Variants in PIGN observed in about 807,000 individuals in gnomAD.
PIGN encodes GPI ethanolamine phosphate transferase 1.
PIGN carries 117 observed loss-of-function variants against 125.4 expected under a neutral mutation model. That is an observed-to-expected ratio of 0.93 (90% CI 0.80 to 1.09). PIGN has a LOEUF of 1.09. Among genes scored for constraint, PIGN ranks in the 50% least tolerant of loss-of-function variants. The probability of loss-of-function intolerance (pLI) is 0.00; values close to 1 mark genes in which losing one functional copy is unlikely to be tolerated. For synonymous variants in PIGN, 392 were observed against 377.8 expected, an observed-to-expected ratio of 1.04 and a Z score of -0.44; for missense variants, 1,075 against 1,094.9, an observed-to-expected ratio of 0.98 and a Z score of 0.26.
At chr18:62,024,900 G>A (rs1265827109) in intron 23 of PIGN, among the ~76,000 whole-genome samples, 1 of 152,184 alleles carries the variant, frequency 6.6e-6, no homozygotes. Context: ...AGTTGGAAAT[G>A]TCACCATGAA....
rs1356223788 is a variant in PIGN at position 62,161,074 on chromosome 18, G to A, written c.221+59C>T. The A allele has an allele frequency of 2.2e-5, 25 of 1,141,320 alleles. No homozygotes were observed. The East Asian group carries it at 5.4e-4, about 25-fold the overall frequency. 70.7% of individuals were successfully genotyped at this position (1,141,320 alleles called of 1,614,324 possible). ...ATGATAAATAGTAAGATATTTTGCA[G>A]TTTACTTAACTCAGAATAACATTTT... On this transcript the variant is annotated intron_variant, in intron 4 of 30. Transcript: ENST00000640252.
At chr18:62,134,845 T>C (rs2035867625) in intron 14 of PIGN, among the ~76,000 whole-genome samples, 1 of 152,246 alleles carries the variant, frequency 6.6e-6, no homozygotes, top group Admixed American at 6.5e-5. Flanking sequence ...TGCTTTCTTG[T>C]AAAGTTTGAA....
Position 62,048,383 on chromosome 18 carries a change from C to T in PIGN, c.2673-2404G>A, listed in dbSNP as rs148681944. On this transcript the variant is annotated intron_variant, in intron 30 of 30. Transcript: ENST00000640252. ...TAAGGTAAACCCAAAGCAATCCACA[C>T]AAAGACACATCAAATTACTAAAAAC... is the stretch of plus-strand genomic sequence containing the variant. Among the ~76,000 whole-genome samples the T allele has an allele frequency of 2.0e-4, 30 of 152,168 alleles. 1 individual carries two copies. Among genetic ancestry groups the T allele is most frequent in the African/African-American group, 5.8e-4 (24 of 41,528 alleles).
intron 30 of PIGN, among the ~76,000 whole-genome samples, chr18:62,057,261 A>C (rs2031798243): frequency 6.6e-6 from 1 of 151,788 alleles, no homozygotes; most frequent in Admixed American, 6.6e-5. Flanking sequence ...TATATGCAAA[A>C]CCCAGATCTT....
intron 14 of PIGN, among the ~76,000 whole-genome samples, chr18:62,129,229 A>G (rs537029973): frequency 5.9e-5 from 9 of 152,266 alleles, no homozygotes; most frequent in African/African-American, 1.9e-4. Flanking sequence ...GAAATTGGCA[A>G]AGGCTATTAA....
In PIGN at chr18:62,044,056, G is replaced by A. The variant is rs1467283971; in HGVS notation, c.*1800C>T. 1 of 152,156 alleles carries A rather than the reference G, an allele frequency of 6.6e-6. No individual in the cohort carries two copies. The highest frequency in any genetic ancestry group is 2.4e-5 in the African/African-American group (1 of 41,424). 9.4% of individuals were successfully genotyped at this position (152,156 alleles called of 1,614,324 possible). ...GAAGGGGCCAGTTACGGTGCAGCAA[G>A]GCGAGCCTGTGGCTGCAGGCACACA... On this transcript the variant is annotated 3_prime_UTR_variant, in exon 31 of 31. Coordinates refer to ENST00000640252, the MANE Select transcript of PIGN (RefSeq NM_176787.5).
intron 23 of PIGN, among the ~76,000 whole-genome samples, chr18:62,092,652 C>T (rs1426881948): frequency 1.3e-5 from 2 of 151,878 alleles, no homozygotes; most frequent in Non-Finnish European, 2.9e-5. Context: ...GTGATTAATT[C>T]TATGTTAAAA....
At chr18:62,157,662 A>C (rs749714077) in intron 5 of PIGN, 25 bp downstream of exon 5, 3 of 1,598,506 alleles carry the variant, frequency 1.9e-6, no homozygotes, top group Admixed American at 1.7e-5. Context: ...TTTTCATTTC[A>C]TAAGATTGTC....
chr18:62,171,302 A>G (rs1233665676), intron 1 of PIGN, among the ~76,000 whole-genome samples: 1 of 152,198 alleles, frequency 6.6e-6, no homozygotes, highest in African/African-American at 2.4e-5. Context: ...TAATTCTTAA[A>G]TCAACATTGA....
intron 30 of PIGN, among the ~76,000 whole-genome samples, chr18:62,047,541 G>A (rs941005527): frequency 2.0e-5 from 3 of 152,170 alleles, no homozygotes; most frequent in African/African-American, 7.2e-5. Flanking sequence ...CAGTCATGAA[G>A]GCAGTAGTGG....
downstream of PIGN, among the ~76,000 whole-genome samples, chr18:62,039,776 CCAT>C (rs2144915458): frequency 1.1e-5 from 1 of 93,892 alleles, no homozygotes; most frequent in African/African-American, 3.5e-5. Context: ...TGTTTAGGGC[CCAT>C]CCAGAGTGCC....
chr18:62,087,133 T>A (rs1599486332), intron 25 of PIGN, among the ~76,000 whole-genome samples: 1 of 152,150 alleles, frequency 6.6e-6, no homozygotes, highest in South Asian at 2.1e-4. Context: ...CAGGAAAATA[T>A]GGCATAAACC....
chr18:62,026,203 C>T (rs1189049126), intron 23 of PIGN, among the ~76,000 whole-genome samples: 1 of 152,094 alleles, frequency 6.6e-6, no homozygotes, highest in East Asian at 1.9e-4. Context: ...AAAAGGATTA[C>T]ATAGAATGCT....
chr18:62,093,347 C>T (rs187031639), intron 23 of PIGN, among the ~76,000 whole-genome samples: 1 of 152,126 alleles, frequency 6.6e-6, no homozygotes, highest in East Asian at 1.9e-4. Flanking sequence ...TCTCTTAAAA[C>T]AATCAATAGT....
At chr18:62,111,197 T>C (rs2034864547) in intron 16 of PIGN, among the ~76,000 whole-genome samples, 1 of 152,080 alleles carries the variant, frequency 6.6e-6, no homozygotes, top group Non-Finnish European at 1.5e-5. Context: ...CCTAAATCCC[T>C]CCATCTATAT....
chr18:62,028,916 C>T (rs184002237), intron 23 of PIGN, among the ~76,000 whole-genome samples: 1 of 152,190 alleles, frequency 6.6e-6, no homozygotes, highest in Non-Finnish European at 1.5e-5. Context: ...AGTAGATCAG[C>T]GCTGTCAACT....
At chr18:62,088,706 C>T (rs1428753725) in intron 25 of PIGN, 50 bp downstream of exon 25, 1 of 954,762 alleles carries the variant, frequency 1.0e-6, no homozygotes, top group East Asian at 2.6e-5. Context: ...CTTCTTACTC[C>T]ATTAAGTGGG....
chr18:62,181,971 C>CAAAG (rs1304586475), intron 1 of PIGN, among the ~76,000 whole-genome samples: 2 of 152,170 alleles, frequency 1.3e-5, no homozygotes, highest in African/African-American at 4.8e-5. Context: ...GGTGATCCAC[C>CAAAG]TACCTCATCC....
chr18:62,102,529 T>C (rs1019669035), intron 21 of PIGN, among the ~76,000 whole-genome samples: 7 of 148,000 alleles, frequency 4.7e-5, no homozygotes, highest in Admixed American at 1.4e-4. Flanking sequence ...ATGAAGCCCT[T>C]TTCAGTTCAA....
Sources: allele counts gnomAD v4.1 joint callset (sites outside exome capture counted in the v4.1 genomes callset), GRCh38; gene constraint gnomAD v4.1.1; transcripts MANE v1.5; gene names NCBI Gene and HGNC (gene_info 2026-07-23, HGNC 2026-07-21).